Variants in ZNRF3 observed in about 807,000 individuals in gnomAD.
ZNRF3 encodes zinc and ring finger 3, also known as E3 ubiquitin-protein ligase ZNRF3.
A neutral mutation model predicts 72.5 loss-of-function variants in ZNRF3; 23 were observed. The ratio of observed to expected loss-of-function variants is 0.32; its 90% CI spans 0.23 to 0.45. The LOEUF (loss-of-function observed/expected upper bound fraction) is 0.45, where lower values mean the gene tolerates loss of function less well. Ranked by LOEUF, ZNRF3 falls within the 20% of genes least tolerant of loss-of-function variation. ZNRF3 has a pLI of 1.00. For synonymous variants in ZNRF3, 610 were observed against 545.3 expected (o/e 1.12, Z -1.65); for missense variants, 1,169 against 1,272.1 (o/e 0.92, Z 1.23).
chr22:29,026,687 G>T (rs1317016373), intron 2 of ZNRF3: 1 of 152,162 alleles, frequency 6.6e-6, no homozygotes, highest in African/African-American at 2.4e-5. Flanking sequence ...AACCCCAAAA[G>T]CTTGCCCCGT....
chr22:29,051,750 A>G (rs2037210747), intron 8 of ZNRF3, among the ~76,000 whole-genome samples: 1 of 151,706 alleles, frequency 6.6e-6, no homozygotes, highest in Non-Finnish European at 1.5e-5. Flanking sequence ...CTACTAAAAT[A>G]CAAAAAAATT....
chr22:29,012,358 C>G (rs2036361271), intron 2 of ZNRF3, among the ~76,000 whole-genome samples: 1 of 152,198 alleles, frequency 6.6e-6, no homozygotes, highest in African/African-American at 2.4e-5. Context: ...CACCTTAGTT[C>G]TCAAAACATC....
rs200297063 is a variant in ZNRF3 at position 28,897,114 on chromosome 22, A to G, written c.300+13048A>G. Among the ~76,000 whole-genome samples the G allele has an allele frequency of 3.9e-5, 6 of 152,068 alleles. No individual in the cohort carries two copies. In the East Asian group the frequency reaches 1.2e-3, roughly 29 times the overall value. On this transcript the variant is annotated intron_variant, in intron 1 of 8. Coordinates refer to ENST00000544604, the MANE Select transcript of ZNRF3 (RefSeq NM_001206998.2). Reference sequence around the variant, plus strand: ...CCATCAGTTCTTCCCTTCCCTTCAGATTCATCCTTCTAAAGTAGTGTTTGG... The same window carrying G: ...CCATCAGTTCTTCCCTTCCCTTCAGGTTCATCCTTCTAAAGTAGTGTTTGG...
intron 1 of ZNRF3, among the ~76,000 whole-genome samples, chr22:28,927,998 G>A (rs1442719618): frequency 2.6e-5 from 4 of 152,162 alleles, no homozygotes; most frequent in Admixed American, 1.3e-4. Context: ...GCTATAGAAG[G>A]CAGCTGCACA....
At chr22:28,914,349 G>C (rs544149117) in intron 1 of ZNRF3, among the ~76,000 whole-genome samples, 31 of 152,288 alleles carry the variant, frequency 2.0e-4, no homozygotes, top group African/African-American at 7.5e-4. Context: ...AATAGGCTCT[G>C]CTGACTCTAG....
At position 28,980,101 on chromosome 22, in the gene ZNRF3, A is replaced by G. The variant is rs2035740059; in HGVS notation, c.301-6975A>G. Among the ~76,000 whole-genome samples, 3 of 152,138 alleles carry G rather than the reference A, an allele frequency of 2.0e-5. No homozygotes were observed. In the South Asian group the frequency reaches 6.2e-4, roughly 32 times the overall value. On this transcript the variant is annotated intron_variant, in intron 1 of 8. Coordinates refer to ENST00000544604, the MANE Select transcript of ZNRF3 (RefSeq NM_001206998.2). ...TCATTTAATCCTTAACGATGTCTGT[A>G]TTTGTCCATATCAGTTAAGACAGAT... is the stretch of plus-strand genomic sequence containing the variant.
Position 29,053,603 on chromosome 22 carries a change from G to A in ZNRF3, c.2792G>A (p.Ser931Asn). Reference protein sequence around the residue: ...AAGPRSHSADSSSPGA With the variant: ...AAGPRSHSADNSSPGA Reference sequence around the variant, plus strand: ...GGACCGAGATCTCACTCAGCAGACAGCAGCAGCCCGGGAGCCTGAGCTCAG... The same window carrying A: ...GGACCGAGATCTCACTCAGCAGACAACAGCAGCCCGGGAGCCTGAGCTCAG... The change falls in exon 9 of 9, where the codon AGC (serine) becomes AAC (asparagine). Residue 931 changes from serine to asparagine, a missense_variant. Ser to Asn is a conservative substitution (Grantham distance 46). Around this residue, in one of 2 missense-constraint regions of ZNRF3, gnomAD observed 783 missense variants for 731.4 expected, o/e 1.07. Coordinates refer to ENST00000544604, the MANE Select transcript of ZNRF3 (RefSeq NM_001206998.2). 4.3e-6 allele frequency: 7 copies of A among 1,613,746 alleles called. No homozygotes were observed. Among genetic ancestry groups the A allele is most frequent in the Non-Finnish European group, 5.9e-6 (7 of 1,179,774 alleles).
intron 1 of ZNRF3, among the ~76,000 whole-genome samples, chr22:28,945,726 C>T (rs1253020533): frequency 6.6e-6 from 1 of 151,954 alleles, no homozygotes; most frequent in Non-Finnish European, 1.5e-5. Context: ...GACGGGGTTT[C>T]ACCATGTTGG....
chr22:29,020,856 G>C (rs997172555), intron 2 of ZNRF3, among the ~76,000 whole-genome samples: 40 of 151,386 alleles, frequency 2.6e-4, no homozygotes, highest in African/African-American at 9.5e-4. Flanking sequence ...GAGTGCAGTG[G>C]GGCGATCTTG....
chr22:28,927,746 T>C (rs2034630350), intron 1 of ZNRF3, among the ~76,000 whole-genome samples: 1 of 152,254 alleles, frequency 6.6e-6, no homozygotes, highest in Non-Finnish European at 1.5e-5. Flanking sequence ...TGGCAGCATA[T>C]TTTAATTCCA....
chr22:28,893,027 C>T (rs1300283171), intron 1 of ZNRF3, among the ~76,000 whole-genome samples: 7 of 151,962 alleles, frequency 4.6e-5, no homozygotes, highest in African/African-American at 9.7e-5. Flanking sequence ...ATTAGCCAGG[C>T]GTGGTGGCGG....
intron 2 of ZNRF3, among the ~76,000 whole-genome samples, chr22:28,993,644 A>G: frequency 6.6e-6 from 1 of 152,310 alleles, no homozygotes; most frequent in African/African-American, 2.4e-5. Flanking sequence ...AAGGGTTAAG[A>G]CTTGGGTTTA....
intron 1 of ZNRF3, among the ~76,000 whole-genome samples, chr22:28,961,720 G>C (rs1023395694): frequency 1.3e-5 from 2 of 152,140 alleles, no homozygotes; most frequent in African/African-American, 4.8e-5. Context: ...GAGGTCCAGA[G>C]GGGAAAAAAA....
intron 2 of ZNRF3, 74 bp downstream of exon 2, chr22:28,987,275 A>G (rs1292751857): frequency 2.6e-6 from 4 of 1,549,158 alleles, no homozygotes; most frequent in Non-Finnish European, 3.5e-6. Context: ...CATTCCTCAA[A>G]TAGTTGATTA....
chr22:29,054,648 T>C lies in ZNRF3; in HGVS notation c.*1026T>C, dbSNP rs1198134178. On this transcript the variant is annotated 3_prime_UTR_variant, in exon 9 of 9. Transcript: ENST00000544604. The stretch of plus-strand genomic sequence containing the variant: ...ACAGACACCCAGAAGGAATGTACTT[T>C]TGTGGCCTTGGTGTCCGATGGGGCT... 6.5e-6 allele frequency: 1 copy of C among 152,776 alleles called. No homozygotes were observed. Among genetic ancestry groups the C allele is most frequent in the Non-Finnish European group, 1.5e-5 (1 of 68,128 alleles). The allele number at this position is 152,776 out of a possible 1,614,324, so 9.5% of individuals were successfully genotyped here.
At chr22:28,925,950 G>A (rs73881187) in intron 1 of ZNRF3, among the ~76,000 whole-genome samples, 3 of 151,998 alleles carry the variant, frequency 2.0e-5, no homozygotes, top group Non-Finnish European at 4.4e-5. Flanking sequence ...CTGCCTCCCC[G>A]CTAACCAACC....
chr22:29,017,681 T>C (rs912606539), intron 2 of ZNRF3, among the ~76,000 whole-genome samples: 1 of 151,998 alleles, frequency 6.6e-6, no homozygotes, highest in African/African-American at 2.4e-5. Context: ...GAAGGGGTTA[T>C]GGTGGGAGGA....
intron 1 of ZNRF3, among the ~76,000 whole-genome samples, chr22:28,932,934 C>G (rs1375179560): frequency 6.6e-6 from 1 of 152,126 alleles, no homozygotes; most frequent in Non-Finnish European, 1.5e-5. Context: ...TTCCCATGCC[C>G]CCTTCCTCTC....
intron 1 of ZNRF3, among the ~76,000 whole-genome samples, chr22:28,975,298 T>G (rs1391554341): frequency 6.6e-6 from 1 of 151,916 alleles, no homozygotes; most frequent in Non-Finnish European, 1.5e-5. Context: ...GGTCAGGAGT[T>G]CGAGACCAGC....
Sources: allele counts gnomAD v4.1 joint callset (sites outside exome capture counted in the v4.1 genomes callset), GRCh38; gene constraint gnomAD v4.1.1; regional missense constraint gnomAD v4.1.1; transcripts MANE v1.5; gene names NCBI Gene and HGNC (gene_info 2026-07-23, HGNC 2026-07-21).